Variants in RNF146 observed in about 807,000 individuals in gnomAD.
The protein encoded by RNF146 is ring finger protein 146, also known as E3 ubiquitin-protein ligase RNF146.
A neutral mutation model predicts 29.7 loss-of-function variants in RNF146; 11 were observed. The ratio of observed to expected loss-of-function variants is 0.37; its 90% CI spans 0.23 to 0.61. The LOEUF (loss-of-function observed/expected upper bound fraction) is 0.61. Ranked by LOEUF, RNF146 falls within the 20% of genes least tolerant of loss-of-function variation. The pLI is 0.66. For synonymous variants in RNF146, 150 were observed against 159.7 expected (o/e 0.94, Z 0.46); for missense variants, 342 against 438.9 (o/e 0.78, Z 1.97).
chr6:127,272,635 A>T (rs1294124731), intron 1 of RNF146, among the ~76,000 whole-genome samples: 1 of 152,204 alleles, frequency 6.6e-6, no homozygotes, highest in East Asian at 1.9e-4. Context: ...GCCAAGAAGA[A>T]CCTGGTTGTG....
At chr6:127,285,860 C>T (rs1421520866) in intron 2 of RNF146, among the ~76,000 whole-genome samples, 2 of 151,928 alleles carry the variant, frequency 1.3e-5, no homozygotes, top group Non-Finnish European at 2.9e-5. Context: ...ATGTATGTTT[C>T]CTTATTTAAC....
intron 1 of RNF146, among the ~76,000 whole-genome samples, chr6:127,276,519 A>C (rs1778232971): frequency 2.0e-5 from 3 of 152,014 alleles, no homozygotes; most frequent in African/African-American, 7.2e-5. Context: ...TATATGAGAT[A>C]AAGATATGAG....
intron 1 of RNF146, among the ~76,000 whole-genome samples, chr6:127,274,320 A>AT (rs1346477220): frequency 3.3e-5 from 5 of 152,136 alleles, no homozygotes; most frequent in African/African-American, 9.6e-5. Context: ...TCTTTAGAGG[A>AT]TTTTTTTGTA....
At chr6:127,277,500 A>G (rs988584534) in intron 1 of RNF146, among the ~76,000 whole-genome samples, 2 of 152,022 alleles carry the variant, frequency 1.3e-5, no homozygotes, top group African/African-American at 4.8e-5. Context: ...GAATATATAT[A>G]TGAGTTTATT....
At chr6:127,272,789 C>CT (rs1777680764) in intron 1 of RNF146, among the ~76,000 whole-genome samples, 1 of 152,210 alleles carries the variant, frequency 6.6e-6, no homozygotes, top group East Asian at 1.9e-4. Context: ...AATTGAAAAT[C>CT]TGAGTATAAG....
intron 1 of RNF146, among the ~76,000 whole-genome samples, chr6:127,279,243 A>G (rs1175469667): frequency 1.3e-4 from 19 of 151,854 alleles, no homozygotes; most frequent in Admixed American, 1.2e-3. Flanking sequence ...TAAGAGTTTT[A>G]TGGTTTTATT....
At chr6:127,276,547 TAAG>T (rs1028307550) in intron 1 of RNF146, among the ~76,000 whole-genome samples, 1 of 151,828 alleles carries the variant, frequency 6.6e-6, no homozygotes, top group African/African-American at 2.4e-5. Flanking sequence ...AGGGTTCTGT[TAAG>T]AAGTAAAAAA....
intron 1 of RNF146, among the ~76,000 whole-genome samples, chr6:127,278,263 A>C (rs1778491479): frequency 6.6e-6 from 1 of 152,018 alleles, no homozygotes; most frequent in Non-Finnish European, 1.5e-5. Flanking sequence ...CCATGTAGTT[A>C]ATTTCATTTA....
chr6:127,268,041 C>CT (rs1401937950), intron 1 of RNF146, among the ~76,000 whole-genome samples: 11 of 152,006 alleles, frequency 7.2e-5, no homozygotes, highest in Non-Finnish European at 1.3e-4. Flanking sequence ...TTTATTTTCT[C>CT]TAAGTGCCAT....
intron 1 of RNF146, among the ~76,000 whole-genome samples, chr6:127,279,485 G>A (rs2180341): frequency 0.73 from 110,662 of 151,512 alleles, 40,581 homozygotes; most frequent in East Asian, 0.78. Flanking sequence ...GTATTTATCT[G>A]TCCTATGCCA....
At chr6:127,268,052 T>TAGAGAGAAA (rs147312849) in intron 1 of RNF146, among the ~76,000 whole-genome samples, 3,765 of 152,304 alleles carry the variant, frequency 0.025, 64 homozygotes, top group East Asian at 0.099. Flanking sequence ...TAAGTGCCAT[T>TAGAGAGAAA]TTAGTGAGCA....
intron 1 of RNF146, among the ~76,000 whole-genome samples, chr6:127,272,797 A>C (rs1200165475): frequency 6.6e-6 from 1 of 152,232 alleles, no homozygotes; most frequent in African/African-American, 2.4e-5. Flanking sequence ...ATCTGAGTAT[A>C]AGTTTTGACT....
intron 1 of RNF146, among the ~76,000 whole-genome samples, chr6:127,278,977 T>C (rs1301953478): frequency 6.6e-6 from 1 of 151,954 alleles, no homozygotes; most frequent in African/African-American, 2.4e-5. Context: ...ACTTTTTAAT[T>C]GGTTTGTCTT....
chr6:127,268,319 A>G (rs747660287), intron 1 of RNF146, among the ~76,000 whole-genome samples: 8 of 152,216 alleles, frequency 5.3e-5, no homozygotes, highest in Non-Finnish European at 1.0e-4. Context: ...CAGTGAATCT[A>G]TATTTAGACT....
Position 127,286,661 on chromosome 6 carries a change from T to A in RNF146, c.48T>A (p.Pro16=). The change falls in exon 3 of 3, where the codon CCT becomes CCA. Residue 16 remains proline, a synonymous_variant. Coordinates refer to ENST00000368314, the MANE Select transcript of RNF146 (RefSeq NM_001242850.2). This position sits in a 1 kb window ranked among gnomAD's most constrained non-coding sequence, Gnocchi z 4.6. ...GEIDHSINML[P]TNRKANESCS... is the part of the protein sequence containing the mutation. ...TTGATCATTCAATAAACATGCTTCC[T>A]ACAAACAGGAAAGCGAACGAGTCCT... 1 of 1,612,942 alleles carries A rather than the reference T, an allele frequency of 6.2e-7. No individual in the cohort carries two copies. The highest frequency in any genetic ancestry group is 2.2e-5 in the East Asian group (1 of 44,842).
chr6:127,285,546 T>TTTTTA (rs57592897), intron 2 of RNF146, among the ~76,000 whole-genome samples: 1 of 150,882 alleles, frequency 6.6e-6, no homozygotes, highest in Non-Finnish European at 1.5e-5. Context: ...TTTTTTTTTT[T>TTTTTA]ACCATGGGGA....
Position 127,287,181 on chromosome 6 carries a change from G to T in RNF146, c.568G>T (p.Val190Leu), listed in dbSNP as rs747727613. The change falls in exon 3 of 3, where the codon GTA becomes TTA. Residue 190 changes from valine (V) to leucine (L), a missense_variant. Val to Leu is a conservative substitution (Grantham distance 32). Coordinates refer to ENST00000368314, the MANE Select transcript of RNF146 (RefSeq NM_001242850.2). ...GLRLDCDANTVNLARESSADG... is the reference protein window; with the variant it reads ...GLRLDCDANTLNLARESSADG... ...TAGGCTAGACTGTGATGCTAATACC[G>T]TAAACCTAGCAAGAGAGAGCTCTGC... The T allele has an allele frequency of 6.2e-7, 1 of 1,613,278 alleles. No individual in the cohort carries two copies. The highest frequency in any genetic ancestry group is 1.1e-5 in the South Asian group (1 of 91,058).
At chr6:127,271,186 C>T (rs1777440664) in intron 1 of RNF146, among the ~76,000 whole-genome samples, 1 of 152,016 alleles carries the variant, frequency 6.6e-6, no homozygotes, top group Non-Finnish European at 1.5e-5. Context: ...ATACAACATA[C>T]AAAACATATA....
chr6:127,267,031 G>C (rs955071914), intron 1 of RNF146, 106 bp downstream of exon 1: 8 of 152,600 alleles, frequency 5.2e-5, no homozygotes, highest in Non-Finnish European at 1.2e-4. Flanking sequence ...ACCTCCAGCC[G>C]CAACGTACTC....
Sources: gnomAD v4.1 joint callset for allele counts (sites outside exome capture counted in the v4.1 genomes callset) on GRCh38, gnomAD v4.1.1 for gene constraint, Gnocchi (gnomAD v3.1) non-coding constraint, MANE v1.5 for transcripts, NCBI Gene and HGNC (gene_info 2026-07-23, HGNC 2026-07-21) for gene names.